POLK: variants seen among roughly 807,000 people sequenced by gnomAD.
POLK encodes polymerase (DNA directed) kappa.
Under a neutral mutation model 94.0 loss-of-function variants are expected in POLK, and 76 were observed. The ratio of observed to expected loss-of-function variants is 0.81; its 90% CI spans 0.67 to 0.98. POLK has a LOEUF of 0.98. Ranked by LOEUF, POLK falls within the 50% of genes least tolerant of loss-of-function variation. POLK has a pLI of 0.00. For missense variants in POLK, 954 were observed against 1,010.1 expected, an observed-to-expected ratio of 0.94 and a Z score of 0.75; for synonymous variants, 349 against 325.4, an observed-to-expected ratio of 1.07 and a Z score of -0.78.
At chr5:75,558,135 A>C (rs1770736193) in intron 3 of POLK, among the ~76,000 whole-genome samples, 1 of 152,136 alleles carries the variant, frequency 6.6e-6, no homozygotes, top group South Asian at 2.1e-4. Context: ...TTGATGGCAT[A>C]CAGGAAAGTG....
intron 1 of POLK, among the ~76,000 whole-genome samples, chr5:75,528,928 G>A (rs1223895004): frequency 1.3e-5 from 2 of 152,138 alleles, no homozygotes; most frequent in Admixed American, 6.5e-5. Context: ...TTGGCTCCCA[G>A]ACCTCCCACA....
downstream of POLK, among the ~76,000 whole-genome samples, chr5:75,605,157 A>G (rs1343041018): frequency 7.2e-6 from 1 of 138,310 alleles, no homozygotes; most frequent in African/African-American, 2.7e-5. Flanking sequence ...ACACACACAC[A>G]CTACCTCTGC....
intron 1 of POLK, among the ~76,000 whole-genome samples, chr5:75,535,636 T>G (rs1254390313): frequency 6.6e-6 from 1 of 152,180 alleles, no homozygotes; most frequent in Non-Finnish European, 1.5e-5. Context: ...TCTTGGAGGT[T>G]TTGTTCAGTC....
chr5:75,561,959 C>G (rs1396638455), intron 3 of POLK, among the ~76,000 whole-genome samples: 1 of 152,124 alleles, frequency 6.6e-6, no homozygotes, highest in African/African-American at 2.4e-5. Context: ...CAGCTTTGTT[C>G]TTTTTGCTTA....
chr5:75,561,641 T>A (rs1319483737), intron 3 of POLK, among the ~76,000 whole-genome samples: 1 of 152,196 alleles, frequency 6.6e-6, no homozygotes, highest in Non-Finnish European at 1.5e-5. Context: ...TGGTTTTAGG[T>A]CTTATATTTA....
chr5:75,530,396 CTTTTTTTTTT>C (rs201266079), intron 1 of POLK, among the ~76,000 whole-genome samples: 2 of 61,626 alleles, frequency 3.2e-5, no homozygotes, highest in East Asian at 4.8e-4. Context: ...TTCCCTTTTT[CTTTTTTTTTT>C]TTTTTTTTTT....
chr5:75,540,057 T>A (rs1655938612), intron 1 of POLK, among the ~76,000 whole-genome samples: 1 of 152,146 alleles, frequency 6.6e-6, no homozygotes, highest in Admixed American at 6.5e-5. Flanking sequence ...AGAAACAATA[T>A]CAAGGTTAGA....
intron 1 of POLK, among the ~76,000 whole-genome samples, chr5:75,521,854 G>A (rs1768605126): frequency 6.6e-6 from 1 of 152,002 alleles, no homozygotes; most frequent in Non-Finnish European, 1.5e-5. Flanking sequence ...CCTAGTAAAG[G>A]ATCAGAGTGT....
chr5:75,594,177 G>T, intron 12 of POLK, 128 bp downstream of exon 12: 1 of 631,406 alleles, frequency 1.6e-6, no homozygotes, highest in Non-Finnish European at 2.8e-6. Flanking sequence ...CTTTGCGACA[G>T]TGGGAAAGCT....
At chr5:75,510,990 A>C, upstream of POLK, 1 of 1,310,142 alleles carries the variant, frequency 7.6e-7, no homozygotes, top group Non-Finnish European at 1.0e-6. Context: ...CGCTGCAGCA[A>C]CACTCAGCCT....
At chr5:75,526,575 T>G (rs13159482) in intron 1 of POLK, among the ~76,000 whole-genome samples, 3 of 126,608 alleles carry the variant, frequency 2.4e-5, no homozygotes, top group East Asian at 2.1e-4. Context: ...TTTTTTTTTG[T>G]TTTTTTTTTT....
chr5:75,530,379 T>C (rs1224543775), intron 1 of POLK, among the ~76,000 whole-genome samples: 1 of 144,512 alleles, frequency 6.9e-6, no homozygotes, highest in African/African-American at 2.6e-5. Context: ...CCTCTTTGTA[T>C]TTTTTTTTCC....
chr5:75,575,746 A>C (rs920594081), intron 5 of POLK, among the ~76,000 whole-genome samples: 1 of 152,206 alleles, frequency 6.6e-6, no homozygotes, highest in Non-Finnish European at 1.5e-5. Flanking sequence ...AAACTTGGCC[A>C]AGTTTATATC....
intron 7 of POLK, 115 bp downstream of exon 7, chr5:75,581,563 T>G (rs1007641565): frequency 4.5e-6 from 4 of 885,740 alleles, no homozygotes; most frequent in Admixed American, 2.6e-5. Context: ...ACTTACTTAG[T>G]CTTTCATTCA....
intron 3 of POLK, among the ~76,000 whole-genome samples, chr5:75,565,848 A>G (rs1771237855): frequency 6.6e-6 from 1 of 152,162 alleles, no homozygotes; most frequent in Non-Finnish European, 1.5e-5. Flanking sequence ...GGGGTCAGGC[A>G]CCCACTTGAG....
At chr5:75,528,797 C>G (rs1040967588) in intron 1 of POLK, among the ~76,000 whole-genome samples, 24 of 152,160 alleles carry the variant, frequency 1.6e-4, no homozygotes, top group Admixed American at 9.2e-4. Context: ...GGTGACAAAG[C>G]AAGATCCTGT....
chr5:75,605,934 A>G (rs1335610292), downstream of POLK, among the ~76,000 whole-genome samples: 1 of 147,232 alleles, frequency 6.8e-6, no homozygotes, highest in East Asian at 2.0e-4. Flanking sequence ...TAGAGAAAGA[A>G]ATAAGGGGAA....
chr5:75,544,951 A>G (rs1580980608), intron 1 of POLK, among the ~76,000 whole-genome samples: 1 of 152,188 alleles, frequency 6.6e-6, no homozygotes, highest in Non-Finnish European at 1.5e-5. Flanking sequence ...AATAACATCT[A>G]TACCAGTGGT....
intron 1 of POLK, among the ~76,000 whole-genome samples, chr5:75,536,482 C>T (rs752624162): frequency 4.6e-5 from 7 of 152,120 alleles, no homozygotes; most frequent in Non-Finnish European, 4.4e-5. Context: ...ATTGCCTGCT[C>T]TGCCATCTGG....
Sources: gnomAD v4.1 joint callset for allele counts (sites outside exome capture counted in the v4.1 genomes callset) on GRCh38, gnomAD v4.1.1 for gene constraint, MANE v1.5 for transcripts, NCBI Gene and HGNC (gene_info 2026-07-23, HGNC 2026-07-21) for gene names.